The following NAV3 variants were observed in gnomAD, a reference collection of about 807,000 sequenced individuals.
The protein encoded by NAV3 is neuron navigator 3.
In NAV3, 87 loss-of-function variants were observed where a neutral mutation model predicts 244.7. That is an observed-to-expected ratio of 0.36 (90% confidence interval 0.30 to 0.42). The LOEUF (loss-of-function observed/expected upper bound fraction) is 0.42, where lower values mean the gene tolerates loss of function less well. NAV3 is among the 20% of genes least tolerant of loss of function. The pLI is 1.00. For missense variants in NAV3, 2,663 were observed against 2,893.3 expected (o/e 0.92, Z 1.83); for synonymous variants, 1,126 against 1,042.2 (o/e 1.08, Z -1.55).
intron 1 of NAV3, among the ~76,000 whole-genome samples, chr12:77,886,629 T>C (rs143175196): frequency 1.3e-5 from 2 of 152,288 alleles, no homozygotes; most frequent in Admixed American, 1.3e-4. Context: ...TTTCCTGATA[T>C]TCTTGCATTT....
At chr12:77,882,823 GA>G (rs1208239964) in intron 1 of NAV3, among the ~76,000 whole-genome samples, 1 of 152,064 alleles carries the variant, frequency 6.6e-6, no homozygotes, top group Non-Finnish European at 1.5e-5. Context: ...ATGAACATAT[GA>G]AAAAATGCTC....
intron 2 of NAV3, among the ~76,000 whole-genome samples, chr12:77,810,317 G>A (rs962798303): frequency 6.6e-6 from 1 of 151,982 alleles, no homozygotes; most frequent in Non-Finnish European, 1.5e-5. Context: ...GACTACAGGC[G>A]CCCGCCACCA....
At chr12:77,789,506 GC>G (rs1169004090) in intron 2 of NAV3, among the ~76,000 whole-genome samples, 1 of 31,508 alleles carries the variant, frequency 3.2e-5, no homozygotes, top group Non-Finnish European at 1.2e-4. Flanking sequence ...TCGCTAATGA[GC>G]TAAAAAAAAA....
intron 16 of NAV3, among the ~76,000 whole-genome samples, 159 bp downstream of exon 16, chr12:78,122,587 A>C (rs1955723093): frequency 6.6e-6 from 1 of 152,144 alleles, no homozygotes. Context: ...TCATTACCAA[A>C]TTTACAGAGG....
At chr12:77,928,500 C>G (rs1246424804) in intron 1 of NAV3, among the ~76,000 whole-genome samples, 1 of 152,098 alleles carries the variant, frequency 6.6e-6, no homozygotes, top group African/African-American at 2.4e-5. Flanking sequence ...CCCTCCCTCC[C>G]TTCCTCATTA....
chr12:77,963,335 A>T (rs1340746940), intron 3 of NAV3, among the ~76,000 whole-genome samples: 1 of 152,128 alleles, frequency 6.6e-6, no homozygotes, highest in African/African-American at 2.4e-5. Flanking sequence ...ATCCACTCAA[A>T]TTATCTTAAA....
intron 2 of NAV3, among the ~76,000 whole-genome samples, chr12:77,695,273 A>T (rs1262680864): frequency 6.6e-6 from 1 of 151,974 alleles, no homozygotes. Flanking sequence ...TAGTAGTTTC[A>T]TGGTTAGAGG....
chr12:77,982,945 A>G (rs1869830099), intron 5 of NAV3, among the ~76,000 whole-genome samples: 1 of 152,166 alleles, frequency 6.6e-6, no homozygotes, highest in African/African-American at 2.4e-5. Flanking sequence ...AAGCAGCTTC[A>G]AGCCCACTCA....
intron 2 of NAV3, among the ~76,000 whole-genome samples, chr12:77,797,657 A>G (rs1031261655): frequency 1.1e-4 from 16 of 149,282 alleles, no homozygotes; most frequent in African/African-American, 3.7e-4. Flanking sequence ...CCTGGCCAAT[A>G]TGGTGAAACC....
intron 2 of NAV3, among the ~76,000 whole-genome samples, chr12:77,703,597 T>A (rs568396666): frequency 3.7e-4 from 57 of 152,286 alleles, no homozygotes; most frequent in African/African-American, 1.4e-3. Flanking sequence ...AGAAACTGCC[T>A]AAATTTTACA....
At chr12:78,007,880 C>T (rs1489137040) in intron 8 of NAV3, among the ~76,000 whole-genome samples, 2 of 152,160 alleles carry the variant, frequency 1.3e-5, no homozygotes, top group Non-Finnish European at 2.9e-5. Context: ...AAGAGGCAGC[C>T]TCTGAAATGA....
chr12:77,693,060 T>C (rs1047633414), intron 2 of NAV3, among the ~76,000 whole-genome samples: 2 of 151,820 alleles, frequency 1.3e-5, no homozygotes, highest in Non-Finnish European at 2.9e-5. Flanking sequence ...CTCCAAAAAA[T>C]AGAAAGAAAG....
At chr12:78,140,857 AT>A (rs916638637) in intron 20 of NAV3, among the ~76,000 whole-genome samples, 2 of 151,142 alleles carry the variant, frequency 1.3e-5, no homozygotes, top group Non-Finnish European at 3.0e-5. Context: ...AAAGAGTGTG[AT>A]TTTTTTAACT....
intron 5 of NAV3, among the ~76,000 whole-genome samples, chr12:77,985,503 A>G (rs1006412106): frequency 4.6e-5 from 7 of 152,262 alleles, no homozygotes; most frequent in African/African-American, 9.6e-5. Flanking sequence ...TTCACTGTCA[A>G]TACTCTAAAG....
chr12:77,644,140 A>G (rs1872527588), intron 2 of NAV3, among the ~76,000 whole-genome samples: 1 of 152,092 alleles, frequency 6.6e-6, no homozygotes, highest in African/African-American at 2.4e-5. Flanking sequence ...AGAACTTTAG[A>G]CCTGAGAGGC....
chr12:78,063,907 G>T (rs772483045), intron 12 of NAV3, among the ~76,000 whole-genome samples: 3 of 152,098 alleles, frequency 2.0e-5, no homozygotes, highest in Non-Finnish European at 2.9e-5. Context: ...CCATACTAGG[G>T]TGTTTGGACC....
At chr12:77,844,239 C>T (rs980850280) in intron 1 of NAV3, among the ~76,000 whole-genome samples, 1 of 152,138 alleles carries the variant, frequency 6.6e-6, no homozygotes, top group Non-Finnish European at 1.5e-5. Context: ...GTTTCTGCAT[C>T]GTCCACAGGG....
At chr12:78,001,425 C>G (rs1201487749) in intron 7 of NAV3, among the ~76,000 whole-genome samples, 3 of 152,004 alleles carry the variant, frequency 2.0e-5, no homozygotes, top group Non-Finnish European at 4.4e-5. Context: ...TAAATCAGTT[C>G]AGGAATCTAT....
intron 2 of NAV3, among the ~76,000 whole-genome samples, chr12:77,596,769 G>A (rs1185128220): frequency 5.3e-5 from 8 of 152,090 alleles, no homozygotes; most frequent in Non-Finnish European, 1.2e-4. Flanking sequence ...ACTATCGAAG[G>A]AGTGGGCTTG....
Sources: allele counts gnomAD v4.1 joint callset (sites outside exome capture counted in the v4.1 genomes callset), GRCh38; gene constraint gnomAD v4.1.1; transcripts MANE v1.5; gene names NCBI Gene and HGNC (gene_info 2026-07-23, HGNC 2026-07-21).